The following WIPI1 variants were observed in gnomAD, a reference collection of about 807,000 sequenced individuals.
WIPI1 encodes WD repeat domain phosphoinositide-interacting protein 1.
A neutral mutation model predicts 55.3 loss-of-function variants in WIPI1; 45 were observed. That is an observed-to-expected ratio of 0.81 (90% CI 0.64 to 1.04). WIPI1 has a LOEUF of 1.04. Ranked by LOEUF, WIPI1 falls within the 50% of genes least tolerant of loss-of-function variation. The pLI is 0.00. For missense variants in WIPI1, 445 were observed against 559.0 expected (o/e 0.80, Z 2.06); for synonymous variants, 195 against 217.6 (o/e 0.90, Z 0.92).
At chr17:68,429,960 T>C (rs2147813171) in intron 9 of WIPI1, 36 bp downstream of exon 9, 2 of 1,611,598 alleles carry the variant, frequency 1.2e-6, no homozygotes, top group Non-Finnish European at 1.7e-6. Context: ...TTGACGAAAG[T>C]GTGGTCTTGT....
At chr17:68,429,063 G>C in intron 9 of WIPI1, 127 bp from the exon 10 acceptor site, 1 of 684,684 alleles carries the variant, frequency 1.5e-6, no homozygotes, top group Non-Finnish European at 2.5e-6. Flanking sequence ...TTAGCCCACT[G>C]ATCTGGTCTG....
Position 68,421,804 on chromosome 17 carries a change from C to T in WIPI1, c.1310G>A (p.Gly437Glu), listed in dbSNP as rs1161432151. Residue 437 changes from glycine to glutamate, a missense_variant, in exon 13 of 13, where the codon GGA becomes GAA. By Grantham distance (98) the Gly-to-Glu change is moderately conservative (BLOSUM62 -2). Coordinates refer to ENST00000262139, the MANE Select transcript of WIPI1 (RefSeq NM_017983.7). The part of the protein sequence containing the change: ...NEFPPIILCR[G>E]NQKGKTKQS ...CTGCTTCGTTTTGCCCTTCTGATTT[C>T]CACGGCACAAGATTATCTACCAAAA... 3.1e-6 allele frequency: 5 copies of T among 1,614,206 alleles called. No individual in the cohort carries two copies. The highest frequency in any genetic ancestry group is 2.2e-5 in the East Asian group (1 of 44,886).
intron 1 of WIPI1, among the ~76,000 whole-genome samples, chr17:68,456,771 C>T (rs1024085497): frequency 2.4e-4 from 37 of 152,174 alleles, no homozygotes; most frequent in African/African-American, 8.9e-4. Context: ...CCATCCAGAG[C>T]GGGCAGGCAC....
At chr17:68,426,251 G>GGGGGGGGGGGGGGA in intron 11 of WIPI1, 76 bp from the exon 12 acceptor site, 2 of 825,460 alleles carry the variant, frequency 2.4e-6, no homozygotes, top group Non-Finnish European at 3.8e-6. Context: ...GTGGGGAGCG[G>GGGGGGGGGGGGGGA]GGGCTCAAAT....
At chr17:68,421,844 C>G in intron 12 of WIPI1, 24 bp from the exon 13 acceptor site, 1 of 1,614,102 alleles carries the variant, frequency 6.2e-7, no homozygotes, top group East Asian at 2.2e-5. Flanking sequence ...AACAGAATGG[C>G]CTTACTCTTC....
intron 10 of WIPI1, among the ~76,000 whole-genome samples, chr17:68,427,733 CAA>C (rs1477146134): frequency 1.3e-5 from 2 of 152,314 alleles, no homozygotes; most frequent in East Asian, 3.9e-4. Context: ...ATTGGCTAGA[CAA>C]AGATTAGTCC....
chr17:68,423,445 TGA>T lies in WIPI1; in HGVS notation c.1294-1627_1294-1626del, dbSNP rs1173270718. 6.6e-6 allele frequency among the ~76,000 whole-genome samples: 1 copy of T among 152,194 alleles called. No individual in the cohort carries two copies. The highest frequency in any genetic ancestry group is 2.4e-5 in the African/African-American group (1 of 41,458). On this transcript the variant is annotated intron_variant, in intron 12 of 12. Transcript: ENST00000262139. The surrounding 1 kb of genome is among the most constrained non-coding windows in gnomAD (Gnocchi z 4.4). ...TCTACCTGCAGGCTGGAGGGCAGAC[TGA>T]GAGGTTGGTGGCTGCCACGACACAG... is the stretch of plus-strand genomic sequence containing the variant.
rs1555798451 is a variant in WIPI1 at position 68,426,242 on chromosome 17, T to TGGCG, written c.1193-68_1193-67insCGCC. 3.8e-5 allele frequency: 26 copies of TGGCG among 682,798 alleles called. 1 individual carries two copies. Among genetic ancestry groups the TGGCG allele is most frequent in the Middle Eastern group, 4.9e-4 (1 of 2,026 alleles). 42.3% of individuals were successfully genotyped at this position (682,798 alleles called of 1,614,324 possible). A position where few individuals can be genotyped will look rare whatever the true frequency, so the allele number is the denominator to read the frequency against. On this transcript the variant is annotated intron_variant, in intron 11 of 12. Coordinates refer to ENST00000262139, the MANE Select transcript of WIPI1 (RefSeq NM_017983.7). ...TGCTTTTATGCCATGACCTGGCGGGTGGGGAGCGGGGGCTCAAATAAAGGG... is the reference window on the plus strand; with the variant it reads ...TGCTTTTATGCCATGACCTGGCGGGTGGCGGGGGAGCGGGGGCTCAAATAAAGGG...
Position 68,433,572 on chromosome 17 carries a change from A to C in WIPI1, c.696T>G (p.Tyr232Ter). ...TGAACACTAGAGAGCTGATTGTCACATACCTACAAGCACAGCAACACATGG... is the reference window on the plus strand; with the variant it reads ...TGAACACTAGAGAGCTGATTGTCACCTACCTACAAGCACAGCAACACATGG... Reference protein sequence around the residue: ...LYEFRRGMKRYVTISSLVFSM... With the variant: ...LYEFRRGMKR The change falls in exon 8 of 13, where the codon TAT becomes TAG. Residue 232 changes from tyrosine to a stop codon, truncating the protein, a stop_gained. Coordinates refer to ENST00000262139, the MANE Select transcript of WIPI1 (RefSeq NM_017983.7). LOFTEE classifies it high-confidence loss of function. 1 of 1,613,794 alleles carries C rather than the reference A, an allele frequency of 6.2e-7. No individual in the cohort carries two copies. Among genetic ancestry groups the C allele is most frequent in the Non-Finnish European group, 8.5e-7 (1 of 1,179,832 alleles).
chr17:68,429,770 G>A (rs752977157), intron 9 of WIPI1, among the ~76,000 whole-genome samples: 2 of 152,124 alleles, frequency 1.3e-5, no homozygotes, highest in African/African-American at 4.8e-5. Flanking sequence ...TGTATTTTTA[G>A]TAGAGACGGG....
At chr17:68,426,556 A>T (rs181192691) in intron 11 of WIPI1, among the ~76,000 whole-genome samples, 1 of 152,174 alleles carries the variant, frequency 6.6e-6, no homozygotes, top group African/African-American at 2.4e-5. Flanking sequence ...TTTTTGAAAC[A>T]GAGTCTCACT....
Position 68,426,123 on chromosome 17 carries a change from C to T in WIPI1, c.1245G>A (p.Glu415=). 6.2e-7 allele frequency: 1 copy of T among 1,612,554 alleles called. No individual in the cohort carries two copies. The highest frequency in any genetic ancestry group is 8.5e-7 in the Non-Finnish European group (1 of 1,179,996). ...ALRGEVIPEH[E]FATGPVCLDD... ...CAAGACACACTGGTCCCGTCGCAAACTCATGTTCAGGAATAACTTCTCCTC... is the reference window on the plus strand; with the variant it reads ...CAAGACACACTGGTCCCGTCGCAAATTCATGTTCAGGAATAACTTCTCCTC... The change falls in exon 12 of 13, where the codon GAG becomes GAA. Residue 415 remains glutamate (E), a synonymous_variant. Coordinates refer to ENST00000262139, the MANE Select transcript of WIPI1 (RefSeq NM_017983.7).
At chr17:68,434,658 C>T in intron 6 of WIPI1, 32 bp from the exon 7 acceptor site, 1 of 1,610,314 alleles carries the variant, frequency 6.2e-7, no homozygotes, top group Non-Finnish European at 8.5e-7. Context: ...CATTTCATAA[C>T]CATTAGTGGC....
chr17:68,438,363 T>C (rs529393355), intron 4 of WIPI1, among the ~76,000 whole-genome samples: 45 of 152,340 alleles, frequency 3.0e-4, no homozygotes, highest in African/African-American at 1.0e-3. Context: ...TCTGAATTCT[T>C]TGCTATCCAA....
In WIPI1 at chr17:68,435,987, C is replaced by G. The variant is rs1022577165; in HGVS notation, c.529-275G>C. Among the ~76,000 whole-genome samples the G allele has an allele frequency of 3.9e-5, 6 of 152,374 alleles. No individual in the cohort carries two copies. The East Asian group carries it at 1.2e-3, about 29-fold the overall frequency. On this transcript the variant is annotated intron_variant, in intron 5 of 12. Coordinates refer to ENST00000262139, the MANE Select transcript of WIPI1 (RefSeq NM_017983.7). ...GCAGTGTGATGCCGTCGCAGGCGCGCCCTGCACGCATCTTTAGGCAACTTC... is the reference window on the plus strand; with the variant it reads ...GCAGTGTGATGCCGTCGCAGGCGCGGCCTGCACGCATCTTTAGGCAACTTC...
In WIPI1 at chr17:68,428,674, C is replaced by T. The variant is rs372322025; in HGVS notation, c.1073+155G>A. On this transcript the variant is annotated intron_variant, in intron 10 of 12. Transcript: ENST00000262139. ...TGCTGAGGGCACCTGACACAGAGCCCGGTGCAGAGCACTTGCCCACTAGAG... is the reference window on the plus strand; with the variant it reads ...TGCTGAGGGCACCTGACACAGAGCCTGGTGCAGAGCACTTGCCCACTAGAG... The T allele has an allele frequency of 1.0e-3, 605 of 604,444 alleles. 4 individuals carry two copies. Among genetic ancestry groups the T allele is most frequent in the African/African-American group, 9.3e-3 (502 of 54,000 alleles). The allele number at this position is 604,444 out of a possible 1,614,324, so 37.4% of individuals were successfully genotyped here.
chr17:68,439,356 A>T (rs1444007165), intron 4 of WIPI1, among the ~76,000 whole-genome samples: 3 of 152,228 alleles, frequency 2.0e-5, no homozygotes, highest in Non-Finnish European at 4.4e-5. Context: ...ACATTAGGCT[A>T]TGTGAAAGAA....
Position 68,432,519 on chromosome 17 carries a change from C to T in WIPI1, c.800+949G>A, listed in dbSNP as rs188633863. Reference sequence around the variant, plus strand: ...GTCCCAGCACTTTGGGAGGTTGAGGCGGGTGGATCATGAGGTCCGCATGTG... The same window carrying T: ...GTCCCAGCACTTTGGGAGGTTGAGGTGGGTGGATCATGAGGTCCGCATGTG... On this transcript the variant is annotated intron_variant, in intron 8 of 12. Transcript: ENST00000262139. 2.2e-4 allele frequency among the ~76,000 whole-genome samples: 33 copies of T among 152,164 alleles called. 1 individual carries two copies. Among genetic ancestry groups the T allele is most frequent in the African/African-American group, 7.0e-4 (29 of 41,510 alleles).
chr17:68,457,253 C>A (rs574207834), intron 1 of WIPI1, 89 bp downstream of exon 1: 1 of 1,466,772 alleles, frequency 6.8e-7, no homozygotes, highest in South Asian at 1.2e-5. Flanking sequence ...CGCCTCGAGG[C>A]GGAAGCCACA....
Sources: allele counts gnomAD v4.1 joint callset (sites outside exome capture counted in the v4.1 genomes callset), GRCh38; gene constraint gnomAD v4.1.1; non-coding constraint Gnocchi (gnomAD v3.1); transcripts MANE v1.5; gene names NCBI Gene and HGNC (gene_info 2026-07-23, HGNC 2026-07-21).